PPP2R5A: variants seen among roughly 807,000 people sequenced by gnomAD.
PPP2R5A encodes the protein serine/threonine-protein phosphatase 2A 56 kDa regulatory subunit alpha isoform.
A neutral mutation model predicts 64.2 loss-of-function variants in PPP2R5A; 25 were observed. The ratio of observed to expected loss-of-function variants is 0.39; its 90% confidence interval spans 0.28 to 0.54. PPP2R5A has a LOEUF of 0.54. Ranked by LOEUF, PPP2R5A falls within the 20% of genes least tolerant of loss-of-function variation. The pLI is 0.67. For missense variants in PPP2R5A, 425 were observed against 576.3 expected, an observed-to-expected ratio of 0.74 and a Z score of 2.69; for synonymous variants, 198 against 201.2, an observed-to-expected ratio of 0.98 and a Z score of 0.13.
chr1:212,328,484 G>A (rs1195661626), intron 1 of PPP2R5A, among the ~76,000 whole-genome samples: 1 of 152,158 alleles, frequency 6.6e-6, no homozygotes, highest in East Asian at 1.9e-4. Flanking sequence ...GAGGCATGTT[G>A]GAAAGGGTTG....
intron 1 of PPP2R5A, among the ~76,000 whole-genome samples, chr1:212,301,394 T>G (rs551569393): frequency 6.6e-6 from 1 of 152,364 alleles, no homozygotes; most frequent in South Asian, 2.1e-4. Context: ...CATGGATGTA[T>G]TTAAGTTCTT....
chr1:212,339,627 ATG>A (rs1659653205), intron 3 of PPP2R5A, among the ~76,000 whole-genome samples: 1 of 152,202 alleles, frequency 6.6e-6, no homozygotes, highest in Admixed American at 6.5e-5. Context: ...AAGAATTTAT[ATG>A]TGGTATTTGT....
At chr1:212,353,870 G>GCATAATGA (rs1400793204) in intron 8 of PPP2R5A, among the ~76,000 whole-genome samples, 7 of 152,114 alleles carry the variant, frequency 4.6e-5, no homozygotes, top group Non-Finnish European at 8.8e-5. Context: ...GTCATGTGCT[G>GCATAATGA]CATAATGACA....
chr1:212,314,851 T>A (rs1032981823), intron 1 of PPP2R5A, among the ~76,000 whole-genome samples: 3 of 151,820 alleles, frequency 2.0e-5, no homozygotes, highest in Non-Finnish European at 4.4e-5. Context: ...CATGAGCCAC[T>A]GTGCCCAGCC....
intron 1 of PPP2R5A, among the ~76,000 whole-genome samples, chr1:212,320,850 C>T (rs1460191080): frequency 4.5e-5 from 6 of 134,614 alleles, no homozygotes; most frequent in Non-Finnish European, 6.5e-5. Context: ...GGCGGCTGGC[C>T]GGGCAGAGGG....
chr1:212,354,310 G>T (rs921136273), intron 8 of PPP2R5A, among the ~76,000 whole-genome samples: 1 of 152,066 alleles, frequency 6.6e-6, no homozygotes, highest in East Asian at 1.9e-4. Flanking sequence ...TTGAGCCTAG[G>T]GGGTTGCAGT....
intron 1 of PPP2R5A, among the ~76,000 whole-genome samples, chr1:212,318,045 G>A (rs1659192360): frequency 6.6e-6 from 1 of 152,210 alleles, no homozygotes; most frequent in Non-Finnish European, 1.5e-5. Flanking sequence ...CGGGGCTTTT[G>A]TGAGTTTTAA....
At chr1:212,311,185 A>G (rs1353402922) in intron 1 of PPP2R5A, among the ~76,000 whole-genome samples, 1 of 152,174 alleles carries the variant, frequency 6.6e-6, no homozygotes, top group East Asian at 1.9e-4. Context: ...AAAAGTATAT[A>G]TAGCTGCCAG....
At chr1:212,298,894 CCTCCCGGACT>C (rs1658745567) in intron 1 of PPP2R5A, among the ~76,000 whole-genome samples, 2 of 41,664 alleles carry the variant, frequency 4.8e-5, no homozygotes, top group African/African-American at 4.9e-4. Context: ...CCCCCACCTC[CCTCCCGGACT>C]GGGCGGCTGG....
At chr1:212,308,703 C>T (rs1464002158) in intron 1 of PPP2R5A, among the ~76,000 whole-genome samples, 2 of 152,162 alleles carry the variant, frequency 1.3e-5, no homozygotes, top group Admixed American at 6.5e-5. Flanking sequence ...GCCACCGCAC[C>T]TGGCTGTGTG....
chr1:212,308,968 G>C (rs941530650), intron 1 of PPP2R5A: 2 of 601,272 alleles, frequency 3.3e-6, no homozygotes, highest in East Asian at 5.8e-5. Context: ...TTCTCTGTTT[G>C]ATGTAACATT....
Position 212,286,164 on chromosome 1 carries a change from G to A in PPP2R5A, c.54G>A (p.Ser18=), listed in dbSNP as rs1257141399. 6.3e-7 allele frequency: 1 copy of A among 1,590,924 alleles called. No individual in the cohort carries two copies. The highest frequency in any genetic ancestry group is 8.5e-7 in the Non-Finnish European group (1 of 1,170,410). Residue 18 remains serine (S), a synonymous_variant, in exon 1 of 13, where the codon TCG becomes TCA. Coordinates refer to ENST00000261461, the MANE Select transcript of PPP2R5A (RefSeq NM_006243.4). The part of the protein sequence containing the change: ...AGAASAAISA[S]EKVDGFTRKS... ...CTGCCAGCGCCGCCATCTCGGCCTC[G>A]GAGAAAGTGGACGGCTTCACCCGGA...
At chr1:212,315,205 C>G (rs1459094953) in intron 1 of PPP2R5A, among the ~76,000 whole-genome samples, 3 of 152,100 alleles carry the variant, frequency 2.0e-5, no homozygotes, top group African/African-American at 4.8e-5. Flanking sequence ...GTATTTATTA[C>G]TGTCTTATGA....
rs1450048800 is a variant in PPP2R5A, at chr1:212,342,224, C to G, written c.517C>G (p.Pro173Ala). The change falls in exon 4 of 13, where the codon CCT (proline) becomes GCT (alanine). Residue 173 changes from proline (P) to alanine (A), a missense_variant. Physicochemically the swap from Pro to Ala is conservative, Grantham distance 27. Transcript: ENST00000261461. The part of the protein sequence containing the change: ...YEFFLRFLES[P>A]DFQPSIAKRY... ...ATTCTTCTTGAGATTTTTGGAGAGCCCTGATTTCCAGCCTAGCATTGCAAA... is the reference window on the plus strand; with the variant it reads ...ATTCTTCTTGAGATTTTTGGAGAGCGCTGATTTCCAGCCTAGCATTGCAAA... 6.2e-7 allele frequency: 1 copy of G among 1,613,374 alleles called. No individual in the cohort carries two copies. Among genetic ancestry groups the G allele is most frequent in the Admixed American group, 1.7e-5 (1 of 59,970 alleles).
chr1:212,309,014 G>GAT (rs142628630), intron 1 of PPP2R5A: 527 of 647,746 alleles, frequency 8.1e-4, no homozygotes, highest in African/African-American at 3.5e-3. Context: ...ATGGTGAAAA[G>GAT]ATATATATAT....
intron 3 of PPP2R5A, among the ~76,000 whole-genome samples, chr1:212,334,354 G>T (rs1659556350): frequency 6.6e-6 from 1 of 151,872 alleles, no homozygotes; most frequent in African/African-American, 2.4e-5. Flanking sequence ...TAGTGGAGTG[G>T]CATGATCTCA....
At chr1:212,302,484 G>T (rs1010383737) in intron 1 of PPP2R5A, among the ~76,000 whole-genome samples, 1 of 152,104 alleles carries the variant, frequency 6.6e-6, no homozygotes, top group Non-Finnish European at 1.5e-5. Context: ...TATGATTATT[G>T]GTCAGTGGCA....
chr1:212,335,475 CA>C (rs71573833), intron 3 of PPP2R5A, among the ~76,000 whole-genome samples: 115 of 100,890 alleles, frequency 1.1e-3, no homozygotes, highest in East Asian at 1.1e-3. Flanking sequence ...AACTCCGGCT[CA>C]AAAAAAAAAA....
intron 1 of PPP2R5A, chr1:212,299,766 G>T (rs1255582748): frequency 2.0e-5 from 3 of 151,780 alleles, no homozygotes; most frequent in African/African-American, 4.8e-5. Flanking sequence ...TGACAATGAA[G>T]TGCTTTTAAG....
Sources: gnomAD v4.1 joint callset for allele counts (sites outside exome capture counted in the v4.1 genomes callset) on GRCh38, gnomAD v4.1.1 for gene constraint, MANE v1.5 for transcripts, NCBI Gene and HGNC (gene_info 2026-07-23, HGNC 2026-07-21) for gene names.